GRIN2B: variants seen among roughly 807,000 people sequenced by gnomAD.
GRIN2B encodes the protein glutamate ionotropic receptor NMDA type subunit 2B.
In GRIN2B, 5 loss-of-function variants were observed where a neutral mutation model predicts 114.5. The observed-to-expected ratio is 0.04, with a 90% CI of 0.02 to 0.09. The LOEUF (loss-of-function observed/expected upper bound fraction) is 0.09, where lower values mean the gene tolerates loss of function less well. Among genes scored for constraint, GRIN2B ranks in the 10% least tolerant of loss-of-function variants. GRIN2B has a pLI of 1.00. For synonymous variants in GRIN2B, 787 were observed against 745.1 expected (o/e 1.06, Z -0.92); for missense variants, 1,108 against 1,943.5 (o/e 0.57, Z 8.08).
intron 2 of GRIN2B, among the ~76,000 whole-genome samples, chr12:13,968,949 A>G (rs543364189): frequency 6.6e-6 from 1 of 152,376 alleles, no homozygotes; most frequent in Admixed American, 6.5e-5. Flanking sequence ...GTCCAAGATT[A>G]CATGATCAGA....
chr12:13,810,790 G>A (rs1181605044), intron 3 of GRIN2B, among the ~76,000 whole-genome samples: 3 of 152,178 alleles, frequency 2.0e-5, no homozygotes, highest in Non-Finnish European at 4.4e-5. Flanking sequence ...ATGAATCAGA[G>A]GAACAAGAAA....
intron 5 of GRIN2B, among the ~76,000 whole-genome samples, chr12:13,637,632 G>A (rs1949677728): frequency 6.6e-6 from 1 of 152,192 alleles, no homozygotes; most frequent in Admixed American, 6.5e-5. Flanking sequence ...CGATAATCAC[G>A]ACACAGGGCC....
rs1565452791 is a variant in GRIN2B at position 13,563,042 on chromosome 12, T to C, written c.4196A>G (p.His1399Arg). The C allele has an allele frequency of 1.2e-6, 2 of 1,614,116 alleles. No homozygotes were observed. Among genetic ancestry groups the C allele is most frequent in the Non-Finnish European group, 1.7e-6 (2 of 1,179,976 alleles). Residue 1399 changes from histidine (H) to arginine (R), a missense_variant, in exon 14 of 14, where the codon CAT (histidine) becomes CGT (arginine). Transcript: ENST00000609686. ...CCTGAAGAAGTAGGATTTGCTGCCA[T>C]GGAGCAAGCACTGGTCGTCCCCAAA... ...PTFGDDQCLL[H>R]GSKSYFFRQP...
At chr12:13,603,469 A>G (rs1231631884) in intron 10 of GRIN2B, among the ~76,000 whole-genome samples, 1 of 152,136 alleles carries the variant, frequency 6.6e-6, no homozygotes, top group Non-Finnish European at 1.5e-5. Context: ...TAACCTCACC[A>G]AGCTTCAGTT....
chr12:13,966,310 A>G (rs550168993), intron 2 of GRIN2B, among the ~76,000 whole-genome samples: 1 of 152,318 alleles, frequency 6.6e-6, no homozygotes, highest in African/African-American at 2.4e-5. Context: ...ATTACATCCA[A>G]TTTGGTTTGT....
chr12:13,833,033 G>A (rs965920587), intron 3 of GRIN2B, among the ~76,000 whole-genome samples: 2 of 152,198 alleles, frequency 1.3e-5, no homozygotes, highest in African/African-American at 4.8e-5. Context: ...TCATGTAAAA[G>A]TGGCTCTGTA....
intron 3 of GRIN2B, among the ~76,000 whole-genome samples, chr12:13,862,688 A>C (rs545387478): frequency 6.6e-6 from 1 of 152,216 alleles, no homozygotes; most frequent in Non-Finnish European, 1.5e-5. Context: ...ACAAAAAAAA[A>C]ACCTGGCCTT....
At chr12:13,878,336 A>G (rs949608042) in intron 2 of GRIN2B, among the ~76,000 whole-genome samples, 15 of 152,150 alleles carry the variant, frequency 9.9e-5, no homozygotes, top group Non-Finnish European at 1.6e-4. Context: ...TCCTCTCCTC[A>G]TGACTGGCTC....
At chr12:13,851,853 G>C (rs2193511) in intron 3 of GRIN2B, among the ~76,000 whole-genome samples, 1 of 151,958 alleles carries the variant, frequency 6.6e-6, no homozygotes, top group Non-Finnish European at 1.5e-5. Context: ...AGATGGAAGG[G>C]GTATGCAGAC....
At chr12:13,900,915 A>G (rs1308644923) in intron 2 of GRIN2B, among the ~76,000 whole-genome samples, 2 of 152,120 alleles carry the variant, frequency 1.3e-5, no homozygotes, top group Non-Finnish European at 1.5e-5. Context: ...ATTAAACTTC[A>G]ACTTCTTTAT....
intron 3 of GRIN2B, among the ~76,000 whole-genome samples, chr12:13,820,527 CCT>C (rs1478357084): frequency 2.0e-5 from 3 of 152,134 alleles, no homozygotes; most frequent in Non-Finnish European, 2.9e-5. Context: ...ATTGTTCACC[CCT>C]GTTATAGTAC....
intron 3 of GRIN2B, among the ~76,000 whole-genome samples, chr12:13,772,174 C>T (rs559010397): frequency 1.7e-3 from 256 of 152,350 alleles, no homozygotes; most frequent in Admixed American, 7.5e-3. Flanking sequence ...AGCTATCACC[C>T]GGTCTCAGAT....
chr12:13,717,212 T>C (rs1014289741), intron 4 of GRIN2B, among the ~76,000 whole-genome samples: 3 of 151,626 alleles, frequency 2.0e-5, no homozygotes, highest in African/African-American at 7.3e-5. Context: ...AGCTACTAAG[T>C]GGTTATGAAT....
At chr12:13,575,046 G>GAACTT (rs1948756485) in intron 10 of GRIN2B, among the ~76,000 whole-genome samples, 1 of 152,096 alleles carries the variant, frequency 6.6e-6, no homozygotes, top group Non-Finnish European at 1.5e-5. Context: ...AAGATACACA[G>GAACTT]AACTTAAAGT....
chr12:13,730,008 G>C (rs1399036813), intron 4 of GRIN2B, among the ~76,000 whole-genome samples: 1 of 148,792 alleles, frequency 6.7e-6, no homozygotes, highest in East Asian at 2.0e-4. Flanking sequence ...TTTAATTTCA[G>C]GATGATTCCC....
At chr12:13,710,537 G>C (rs11055598) in intron 4 of GRIN2B, among the ~76,000 whole-genome samples, 17,385 of 152,048 alleles carry the variant, frequency 0.11, 1,265 homozygotes, top group African/African-American at 0.2. Context: ...AAAGTCTCAG[G>C]ATACAAAATC....
intron 3 of GRIN2B, among the ~76,000 whole-genome samples, chr12:13,849,306 T>C (rs970914480): frequency 1.1e-4 from 16 of 152,130 alleles, no homozygotes; most frequent in African/African-American, 3.9e-4. Context: ...CTTCCGTGGC[T>C]TATATGAGTG....
At chr12:13,820,430 A>T (rs1864912037) in intron 3 of GRIN2B, among the ~76,000 whole-genome samples, 1 of 152,240 alleles carries the variant, frequency 6.6e-6, no homozygotes, top group South Asian at 2.1e-4. Context: ...TCAACTAAGA[A>T]CTAGAGATAC....
In GRIN2B at chr12:13,547,049, T is replaced by G. The variant is rs1042778590; in HGVS notation, c.*15734A>C. The G allele has an allele frequency of 1.1e-4, 17 of 152,182 alleles. No individual in the cohort carries two copies. The highest frequency in any genetic ancestry group is 3.9e-4 in the African/African-American group (16 of 41,432). 9.4% of individuals were successfully genotyped at this position (152,182 alleles called of 1,614,324 possible). ...TCCAACTTCCTAAGTTAAAAAATGA[T>G]GAGAAAACCATGAAAAATTACTGTC... is the stretch of plus-strand genomic sequence containing the variant. On this transcript the variant is annotated 3_prime_UTR_variant, in exon 14 of 14. Coordinates refer to ENST00000609686, the MANE Select transcript of GRIN2B (RefSeq NM_000834.5).
Sources: allele counts gnomAD v4.1 joint callset (sites outside exome capture counted in the v4.1 genomes callset), GRCh38; gene constraint gnomAD v4.1.1; transcripts MANE v1.5; gene names NCBI Gene and HGNC (gene_info 2026-07-23, HGNC 2026-07-21).